The following ITGAL variants were observed in gnomAD, a reference collection of about 807,000 sequenced individuals.
The protein encoded by ITGAL is integrin subunit alpha L, also known as integrin alpha-L.
A neutral mutation model predicts 138.4 loss-of-function variants in ITGAL; 68 were observed. The ratio of observed to expected loss-of-function variants is 0.49; its 90% CI spans 0.40 to 0.60. The LOEUF (loss-of-function observed/expected upper bound fraction) is 0.60, where lower values mean the gene tolerates loss of function less well. ITGAL is among the 20% of genes least tolerant of loss of function. The pLI, the probability that ITGAL is intolerant of heterozygous loss-of-function variation, is 0.00. For synonymous variants in ITGAL, 561 were observed against 584.3 expected, an observed-to-expected ratio of 0.96 and a Z score of 0.57; for missense variants, 1,256 against 1,478.6, an observed-to-expected ratio of 0.85 and a Z score of 2.47.
chr16:30,494,872 G>C lies in ITGAL; in HGVS notation c.1503+22G>C, dbSNP rs768031005. On this transcript the variant is annotated intron_variant, in intron 13 of 30. Transcript: ENST00000356798. This position sits in a 1 kb window ranked among gnomAD's most constrained non-coding sequence, Gnocchi z 4.2. ...ACAGGTGGGGCCAGGATCTGGAGCT[G>C]AGAGGGAGGAGGGAGAGCAGCAGAG... 4.4e-6 allele frequency: 7 copies of C among 1,575,892 alleles called. No homozygotes were observed. Among genetic ancestry groups the C allele is most frequent in the African/African-American group, 2.7e-5 (2 of 73,952 alleles).
intron 29 of ITGAL, among the ~76,000 whole-genome samples, chr16:30,519,268 A>C (rs1303596975): frequency 6.6e-6 from 1 of 152,084 alleles, no homozygotes; most frequent in Non-Finnish European, 1.5e-5. Flanking sequence ...GCCTGTACTC[A>C]GTGCCTCGGG....
At position 30,472,859 on chromosome 16, in the gene ITGAL, G is replaced by T; in HGVS notation, c.22G>T (p.Val8Leu). 6.2e-7 allele frequency: 1 copy of T among 1,613,076 alleles called. No individual in the cohort carries two copies. The highest frequency in any genetic ancestry group is 8.5e-7 in the Non-Finnish European group (1 of 1,179,850). Reference protein sequence around the residue: MKDSCITVMAMALLSGFF... With the variant: MKDSCITLMAMALLSGFF... ...AAGGATGAAGGATTCCTGCATCACT[G>T]TGATGGCCATGGCGCTGCTGTCTGG... The change falls in exon 1 of 31, where the codon GTG (valine) becomes TTG (leucine). Residue 8 changes from valine (V) to leucine (L), a missense_variant. This residue lies in a region of ITGAL where 212 missense variants were observed against 217.4 expected (regional missense o/e 0.98). Transcript: ENST00000356798.
In ITGAL at chr16:30,496,653, T is replaced by C. The variant is rs1049425372; in HGVS notation, c.1832+87T>C. On this transcript the variant is annotated intron_variant, in intron 15 of 30. Coordinates refer to ENST00000356798, the MANE Select transcript of ITGAL (RefSeq NM_002209.3). ...TTTATTTTATTTATTTATTTTGGTT[T>C]TTTTTAGAGACAGGGTCTCTCTTTG... The C allele has an allele frequency of 5.5e-6, 7 of 1,271,090 alleles. No individual in the cohort carries two copies. In the African/African-American group the frequency reaches 9.3e-5, roughly 17 times the overall value. The allele number at this position is 1,271,090 out of a possible 1,614,324, so 78.7% of individuals were successfully genotyped here.
At chr16:30,478,240 A>G (rs1236780443) in intron 4 of ITGAL, among the ~76,000 whole-genome samples, 1 of 151,692 alleles carries the variant, frequency 6.6e-6, no homozygotes, top group Non-Finnish European at 1.5e-5. Flanking sequence ...AGGTTGAGGC[A>G]GGAGAATCAC....
chr16:30,481,143 A>ACACACACACACAC (rs2050549087), intron 6 of ITGAL: 8 of 216,074 alleles, frequency 3.7e-5, no homozygotes, highest in African/African-American at 2.2e-4. Flanking sequence ...CTCTACTAAA[A>ACACACACACACAC]ACACACACAC....
At chr16:30,493,246 A>ATTTTAT (rs983269409) in intron 11 of ITGAL, among the ~76,000 whole-genome samples, 5 of 3,094 alleles carry the variant, frequency 1.6e-3, no homozygotes, top group South Asian at 8.3e-3. Flanking sequence ...AATATATACC[A>ATTTTAT]TTTTATTTTA....
At chr16:30,510,547 A>C (rs2051074796) in intron 22 of ITGAL, 76 bp downstream of exon 22, 2 of 841,642 alleles carry the variant, frequency 2.4e-6, no homozygotes, top group South Asian at 1.3e-5. Context: ...CTCTTGGCTC[A>C]GGAGAAGGGA....
chr16:30,479,993 G>A (rs2050531159), intron 6 of ITGAL, among the ~76,000 whole-genome samples: 1 of 151,494 alleles, frequency 6.6e-6, no homozygotes, highest in Non-Finnish European at 1.5e-5. Context: ...CCCAAGGCTG[G>A]AATCATGGTG....
At chr16:30,476,582 T>C (rs1798614811) in intron 4 of ITGAL, among the ~76,000 whole-genome samples, 2 of 151,776 alleles carry the variant, frequency 1.3e-5, no homozygotes, top group African/African-American at 4.8e-5. Flanking sequence ...TATGCTCATA[T>C]GGCAGATATT....
intron 9 of ITGAL, among the ~76,000 whole-genome samples, chr16:30,487,404 TTTTTG>T (rs567261350): frequency 2.0e-5 from 3 of 151,528 alleles, no homozygotes; most frequent in East Asian, 2.0e-4. Context: ...ATGAAGAGGT[TTTTTG>T]TTTTGTTTTG....
chr16:30,514,579 A>C (rs1321521698), intron 25 of ITGAL, among the ~76,000 whole-genome samples: 1 of 151,562 alleles, frequency 6.6e-6, no homozygotes, highest in African/African-American at 2.4e-5. Flanking sequence ...ACCCGGCCCT[A>C]TGCCCAGCTA....
At position 30,494,263 on chromosome 16, in the gene ITGAL, C is replaced by T. The variant is rs377233189; in HGVS notation, c.1265C>T (p.Ser422Leu). 9.3e-6 allele frequency: 15 copies of T among 1,613,082 alleles called. No individual in the cohort carries two copies. Among genetic ancestry groups the T allele is most frequent in the Middle Eastern group, 1.6e-4 (1 of 6,068 alleles). Residue 422 changes from serine to leucine, a missense_variant, in exon 12 of 31, where the codon TCG (serine) becomes TTG (leucine). Physicochemically the swap from Ser to Leu is moderately radical, Grantham distance 145 (BLOSUM62 -2). Coordinates refer to ENST00000356798, the MANE Select transcript of ITGAL (RefSeq NM_002209.3). The surrounding 1 kb of genome is among the most constrained non-coding windows in gnomAD (Gnocchi z 4.2). ...PSRQKTSLLA[S>L]GAPRYQHMGR... Reference sequence around the variant, plus strand: ...CGGCAAAAGACTTCGTTGCTGGCCTCGGGAGCCCCTCGATACCAGCACATG... The same window carrying T: ...CGGCAAAAGACTTCGTTGCTGGCCTTGGGAGCCCCTCGATACCAGCACATG...
In ITGAL at chr16:30,494,251, C is replaced by G. The variant is rs145951975; in HGVS notation, c.1253C>G (p.Ser418Trp). The change falls in exon 12 of 31, where the codon TCG (serine) becomes TGG (tryptophan). Residue 418 changes from serine (S) to tryptophan (W), a missense_variant. Coordinates refer to ENST00000356798, the MANE Select transcript of ITGAL (RefSeq NM_002209.3). The surrounding 1 kb of genome is among the most constrained non-coding windows in gnomAD (Gnocchi z 4.2). ...TGGCTGCCCTCCCGGCAAAAGACTT[C>G]GTTGCTGGCCTCGGGAGCCCCTCGA... The part of the protein sequence containing the change: ...VTWLPSRQKT[S>W]LLASGAPRYQ... 1 of 1,612,580 alleles carries G rather than the reference C, an allele frequency of 6.2e-7. No homozygotes were observed. Among genetic ancestry groups the G allele is most frequent in the Non-Finnish European group, 8.5e-7 (1 of 1,178,870 alleles).
intron 9 of ITGAL, among the ~76,000 whole-genome samples, chr16:30,484,954 C>T (rs1010436591): frequency 1.5e-4 from 23 of 151,234 alleles, no homozygotes; most frequent in Non-Finnish European, 4.4e-5. Flanking sequence ...CAAAAAAAAA[C>T]CTCCCCTGGG....
At position 30,474,190 on chromosome 16, in the gene ITGAL, C is replaced by A; in HGVS notation, c.62-6C>A. On this transcript the variant is annotated splice_polypyrimidine_tract_variant and splice_region_variant and intron_variant, in intron 1 of 30. Transcript: ENST00000356798. Reference sequence around the variant, plus strand: ...GGTCGCAGCTGACGACCCTTGCCTTCCTCAGCGCCGGCCTCGAGCTACAAC... The same window carrying A: ...GGTCGCAGCTGACGACCCTTGCCTTACTCAGCGCCGGCCTCGAGCTACAAC... The A allele has an allele frequency of 6.3e-7, 1 of 1,592,300 alleles. No homozygotes were observed. Among genetic ancestry groups the A allele is most frequent in the East Asian group, 2.3e-5 (1 of 43,890 alleles).
chr16:30,476,934 A>G (rs547453289), intron 4 of ITGAL, among the ~76,000 whole-genome samples: 51 of 152,192 alleles, frequency 3.4e-4, no homozygotes, highest in African/African-American at 1.2e-3. Flanking sequence ...ACACCTGGTC[A>G]CTTTATTTCT....
chr16:30,486,322 A>G (rs1301143116), intron 9 of ITGAL, among the ~76,000 whole-genome samples: 1 of 151,602 alleles, frequency 6.6e-6, no homozygotes, highest in African/African-American at 2.4e-5. Context: ...AAGTAGGAGA[A>G]TCGCTTGAAC....
At chr16:30,513,407 C>A (rs1263595653) in intron 24 of ITGAL, among the ~76,000 whole-genome samples, 1 of 152,136 alleles carries the variant, frequency 6.6e-6, no homozygotes, top group Non-Finnish European at 1.5e-5. Context: ...GGAAGGTCAC[C>A]CAGCAGTGTG....
At chr16:30,495,860 A>T (rs1304011952) in intron 13 of ITGAL, among the ~76,000 whole-genome samples, 1 of 152,004 alleles carries the variant, frequency 6.6e-6, no homozygotes, top group Non-Finnish European at 1.5e-5. Flanking sequence ...AAAAAAAATT[A>T]TCAAAAAAAT....
Sources: allele counts gnomAD v4.1 joint callset (sites outside exome capture counted in the v4.1 genomes callset), GRCh38; gene constraint gnomAD v4.1.1; regional missense constraint gnomAD v4.1.1; non-coding constraint Gnocchi (gnomAD v3.1); transcripts MANE v1.5; gene names NCBI Gene and HGNC (gene_info 2026-07-23, HGNC 2026-07-21).